Variants in STK32B observed in about 807,000 individuals in gnomAD.
The protein encoded by STK32B is serine/threonine kinase 32B.
STK32B carries 43 observed loss-of-function variants against 52.6 expected under a neutral mutation model. That is an observed-to-expected ratio of 0.82 (90% CI 0.64 to 1.05). The LOEUF (loss-of-function observed/expected upper bound fraction) is 1.05. STK32B is among the 50% of genes least tolerant of loss of function. The pLI is 0.00. For missense variants in STK32B, 621 were observed against 534.6 expected (o/e 1.16, Z -1.59); for synonymous variants, 238 against 204.3 (o/e 1.17, Z -1.41).
At chr4:5,344,771 A>T (rs1401807573) in intron 4 of STK32B, among the ~76,000 whole-genome samples, 1 of 151,654 alleles carries the variant, frequency 6.6e-6, no homozygotes, top group Non-Finnish European at 1.5e-5. Context: ...TTCTTTAGTT[A>T]AAACAGTTTT....
intron 3 of STK32B, among the ~76,000 whole-genome samples, chr4:5,221,795 G>A (rs952957075): frequency 6.9e-6 from 1 of 144,562 alleles, no homozygotes; most frequent in African/African-American, 2.6e-5. Context: ...GACAGAGGTT[G>A]CAGTGAGCCA....
At chr4:5,245,303 T>A (rs1725357665) in intron 3 of STK32B, among the ~76,000 whole-genome samples, 2 of 152,192 alleles carry the variant, frequency 1.3e-5, no homozygotes, top group African/African-American at 4.8e-5. Context: ...TAGTTCTTCG[T>A]GTTGAATTGA....
intron 1 of STK32B, among the ~76,000 whole-genome samples, chr4:5,057,984 G>T (rs1742072425): frequency 6.6e-6 from 1 of 152,132 alleles, no homozygotes; most frequent in African/African-American, 2.4e-5. Flanking sequence ...ACTCTATTAG[G>T]CTGAGGTCAT....
At chr4:5,263,542 C>T (rs1052047972) in intron 3 of STK32B, among the ~76,000 whole-genome samples, 1 of 152,188 alleles carries the variant, frequency 6.6e-6, no homozygotes, top group African/African-American at 2.4e-5. Context: ...GCTCCATCCA[C>T]CTATGCAAAA....
intron 3 of STK32B, among the ~76,000 whole-genome samples, chr4:5,309,891 T>C (rs6820512): frequency 0.13 from 19,469 of 151,968 alleles, 2,700 homozygotes; most frequent in African/African-American, 0.36. Flanking sequence ...TGGGGCTGGG[T>C]GTGGTAGCTC....
At chr4:5,167,406 A>G (rs1372442524) in intron 2 of STK32B, among the ~76,000 whole-genome samples, 3 of 152,202 alleles carry the variant, frequency 2.0e-5, no homozygotes, top group Non-Finnish European at 4.4e-5. Context: ...GACCTGCAGT[A>G]AAGTGCTCAA....
chr4:5,072,331 C>G (rs971294339), intron 1 of STK32B, among the ~76,000 whole-genome samples: 12 of 152,156 alleles, frequency 7.9e-5, no homozygotes, highest in African/African-American at 2.7e-4. Flanking sequence ...ACTCCTGCTT[C>G]TCTTCCTATC....
intron 6 of STK32B, among the ~76,000 whole-genome samples, chr4:5,438,493 G>A (rs1235048240): frequency 1.3e-5 from 2 of 152,236 alleles, no homozygotes; most frequent in African/African-American, 2.4e-5. Flanking sequence ...GGCTGAGGAG[G>A]ATGGCATTTA....
chr4:5,020,638 C>T, the STK32B span, among the ~76,000 whole-genome samples: 13 of 152,178 alleles, frequency 8.5e-5, no homozygotes, highest in African/African-American at 3.1e-4. Context: ...TCTTCCATCC[C>T]ACAGGGCAGG....
intron 1 of STK32B, among the ~76,000 whole-genome samples, chr4:5,121,730 G>T (rs554614479): frequency 1.3e-5 from 2 of 152,290 alleles, no homozygotes; most frequent in Admixed American, 1.3e-4. Context: ...GGTCCTAGTG[G>T]GTGGAAGGGA....
At chr4:5,406,687 C>G (rs2109057377) in intron 5 of STK32B, among the ~76,000 whole-genome samples, 1 of 152,276 alleles carries the variant, frequency 6.6e-6, no homozygotes, top group East Asian at 1.9e-4. Context: ...TATCTAAGGC[C>G]TTTTAACTAT....
intron 2 of STK32B, among the ~76,000 whole-genome samples, chr4:5,155,539 T>C (rs911157163): frequency 1.3e-5 from 2 of 152,130 alleles, no homozygotes; most frequent in Admixed American, 6.5e-5. Context: ...CCCACCGATA[T>C]GGTTTGGCTC....
chr4:5,272,543 T>C (rs1727515429), intron 3 of STK32B, among the ~76,000 whole-genome samples: 1 of 151,822 alleles, frequency 6.6e-6, no homozygotes, highest in East Asian at 1.9e-4. Context: ...GAGGATTCCC[T>C]CTTTTTCTAT....
intron 3 of STK32B, among the ~76,000 whole-genome samples, chr4:5,194,028 AGTTT>A (rs1191920322): frequency 3.9e-5 from 6 of 152,190 alleles, no homozygotes; most frequent in Non-Finnish European, 8.8e-5. Context: ...GAGGGTCCAC[AGTTT>A]GTTCATTTCA....
chr4:5,088,866 TA>T (rs746025974), intron 1 of STK32B, among the ~76,000 whole-genome samples: 1 of 151,754 alleles, frequency 6.6e-6, no homozygotes, highest in African/African-American at 2.4e-5. Context: ...ATCAATAACC[TA>T]ATCTTTCACT....
rs773562843 is a variant in STK32B, at chr4:5,468,030, G to A, written c.1066G>A (p.Glu356Lys). 6.2e-7 allele frequency: 1 copy of A among 1,614,140 alleles called. No homozygotes were observed. The highest frequency in any genetic ancestry group is 1.1e-5 in the South Asian group (1 of 91,086). Reference protein sequence around the residue: ...PLNGHLQHCLETVREEFIIFN... With the variant: ...PLNGHLQHCLKTVREEFIIFN... ...GAATGGACACCTGCAGCACTGTTTG[G>A]AGACTGTCCGGGAGGAATTCATCAT... The change falls in exon 11 of 12, where the codon GAG (glutamate) becomes AAG (lysine). Residue 356 changes from glutamate to lysine, a missense_variant. Glu to Lys is a moderately conservative substitution (Grantham distance 56). Transcript: ENST00000282908.
At chr4:5,144,489 C>G (rs1716749405) in intron 2 of STK32B, among the ~76,000 whole-genome samples, 1 of 152,154 alleles carries the variant, frequency 6.6e-6, no homozygotes, top group African/African-American at 2.4e-5. Context: ...GGAGGAGGAC[C>G]TGTCTGGACA....
chr4:5,423,846 C>T (rs927515553), intron 6 of STK32B, among the ~76,000 whole-genome samples: 1 of 152,170 alleles, frequency 6.6e-6, no homozygotes, highest in Admixed American at 6.5e-5. Flanking sequence ...GCAGCCAGGG[C>T]TCCATGCTCC....
intron 4 of STK32B, among the ~76,000 whole-genome samples, chr4:5,374,775 GGGGC>G (rs1480475544): frequency 3.4e-5 from 5 of 147,770 alleles, no homozygotes; most frequent in South Asian, 2.2e-4. Flanking sequence ...AATATTGACG[GGGGC>G]GGGGGGGGAA....
Sources: allele counts gnomAD v4.1 joint callset (sites outside exome capture counted in the v4.1 genomes callset), GRCh38; gene constraint gnomAD v4.1.1; transcripts MANE v1.5; gene names NCBI Gene and HGNC (gene_info 2026-07-23, HGNC 2026-07-21).